The following ATP6V1C1 variants were observed in gnomAD, a reference collection of about 807,000 sequenced individuals.
The protein encoded by ATP6V1C1 is V-type proton ATPase subunit C 1.
ATP6V1C1 carries 45 observed loss-of-function variants against 53.9 expected under a neutral mutation model. The ratio of observed to expected loss-of-function variants is 0.83; its 90% CI spans 0.66 to 1.07. The LOEUF is 1.07. ATP6V1C1 is among the 50% of genes least tolerant of loss of function. The pLI is 0.00. For synonymous variants in ATP6V1C1, 153 were observed against 155.2 expected (o/e 0.99, Z 0.11); for missense variants, 315 against 440.3 (o/e 0.72, Z 2.55).
Position 103,068,776 on chromosome 8 carries a change from C to T in ATP6V1C1, c.*29C>T, listed in dbSNP as rs371003118. Reference sequence around the variant, plus strand: ...TGGGCTCCTCCCCCGACAATCCTGTCCTTGTGTTTGTGTGTGCTAACAGAA... The same window carrying T: ...TGGGCTCCTCCCCCGACAATCCTGTTCTTGTGTTTGTGTGTGCTAACAGAA... On this transcript the variant is annotated 3_prime_UTR_variant, in exon 13 of 13. Coordinates refer to ENST00000518738, the MANE Select transcript of ATP6V1C1 (RefSeq NM_001695.5). 852 of 1,572,032 alleles carry T rather than the reference C, an allele frequency of 5.4e-4. No individual in the cohort carries two copies. Among genetic ancestry groups the T allele is most frequent in the Non-Finnish European group, 7.0e-4 (804 of 1,147,710 alleles).
intron 8 of ATP6V1C1, 83 bp downstream of exon 8, chr8:103,056,019 G>T (rs1817284562): frequency 7.4e-7 from 1 of 1,360,256 alleles, no homozygotes; most frequent in Non-Finnish European, 1.0e-6. Context: ...TATGTTTGCT[G>T]TCTTGCCTTT....
At chr8:103,068,545 C>A in intron 12 of ATP6V1C1, 107 bp from the exon 13 acceptor site, 1 of 738,070 alleles carries the variant, frequency 1.4e-6, no homozygotes, top group Non-Finnish European at 2.1e-6. Flanking sequence ...TAAGTGCATA[C>A]ATTTAGCCCA....
At chr8:103,048,298 TG>T (rs1817140753) in intron 3 of ATP6V1C1, among the ~76,000 whole-genome samples, 1 of 152,246 alleles carries the variant, frequency 6.6e-6, no homozygotes, top group South Asian at 2.1e-4. Flanking sequence ...CAGTTACTTT[TG>T]CACCAACCTA....
In ATP6V1C1 at chr8:103,023,303, G is replaced by A. The variant is rs896935000; in HGVS notation, c.-40+2078G>A. 6.6e-5 allele frequency among the ~76,000 whole-genome samples: 10 copies of A among 150,418 alleles called. No individual in the cohort carries two copies. In the South Asian group the frequency reaches 8.4e-4, roughly 13 times the overall value. Reference sequence around the variant, plus strand: ...GGCTTTTTTTTTTTTTTTTTGGTGGGGGGGAGATAATGTGGAGGGTGGCAA... The same window carrying A: ...GGCTTTTTTTTTTTTTTTTTGGTGGAGGGGAGATAATGTGGAGGGTGGCAA... On this transcript the variant is annotated intron_variant, in intron 1 of 12. Coordinates refer to ENST00000518738, the MANE Select transcript of ATP6V1C1 (RefSeq NM_001695.5).
chr8:103,034,378 T>G (rs1248759938), intron 1 of ATP6V1C1, among the ~76,000 whole-genome samples: 1 of 152,140 alleles, frequency 6.6e-6, no homozygotes, highest in Non-Finnish European at 1.5e-5. Context: ...GAAGGTGGTG[T>G]CAGGTTCTTG....
chr8:103,043,620 C>T lies in ATP6V1C1; in HGVS notation c.200+1213C>T, dbSNP rs192293931. ...TGCTGGGATTACAGGCGTGAGCCAC[C>T]GCGCCCGGCTGATAATATCTCATTT... is the stretch of plus-strand genomic sequence containing the variant. On this transcript the variant is annotated intron_variant, in intron 3 of 12. Transcript: ENST00000518738. 1.4e-3 allele frequency among the ~76,000 whole-genome samples: 206 copies of T among 152,126 alleles called. 1 individual carries two copies. Among genetic ancestry groups the T allele is most frequent in the African/African-American group, 4.6e-3 (191 of 41,502 alleles).
In ATP6V1C1 at chr8:103,057,865, A is replaced by G. The variant is rs1817317902; in HGVS notation, c.641+1929A>G. ...TCATTTGGAGGAATATCTTTCCTTC[A>G]TACCAGCTCTTCACATGGTAAACTG... On this transcript the variant is annotated intron_variant, in intron 8 of 12. Transcript: ENST00000518738. Among the ~76,000 whole-genome samples the G allele has an allele frequency of 2.0e-5, 3 of 152,000 alleles. No homozygotes were observed. The South Asian group carries it at 6.2e-4, about 31-fold the overall frequency.
chr8:103,051,099 T>C lies in ATP6V1C1; in HGVS notation c.336T>C (p.Tyr112=), dbSNP rs751434983. 1 of 1,610,692 alleles carries C rather than the reference T, an allele frequency of 6.2e-7. No homozygotes were observed. Among genetic ancestry groups the C allele is most frequent in the Non-Finnish European group, 8.5e-7 (1 of 1,177,828 alleles). Residue 112 remains tyrosine (Y), a synonymous_variant, in exon 5 of 13, where the codon TAT becomes TAC. Coordinates refer to ENST00000518738, the MANE Select transcript of ATP6V1C1 (RefSeq NM_001695.5). Reference sequence around the variant, plus strand: ...GGTTCCAGTGGGACATGGCCAAATATCCAATCAAGCAGTCCCTGAAAAATA... The same window carrying C: ...GGTTCCAGTGGGACATGGCCAAATACCCAATCAAGCAGTCCCTGAAAAATA... ...ITRFQWDMAK[Y]PIKQSLKNIS...
intron 1 of ATP6V1C1, 196 bp downstream of exon 1, chr8:103,021,421 G>T (rs1390465708): frequency 1.3e-5 from 2 of 152,318 alleles, no homozygotes; most frequent in Non-Finnish European, 2.9e-5. Flanking sequence ...CTCTAAGGAA[G>T]AGAAGGAGGG....
chr8:103,023,263 A>C (rs1392605255), intron 1 of ATP6V1C1, among the ~76,000 whole-genome samples: 2 of 142,922 alleles, frequency 1.4e-5, no homozygotes, highest in Non-Finnish European at 3.1e-5. Flanking sequence ...CAGGCAGTGG[A>C]TTGAGACAGG....
rs1466453475 is a variant in ATP6V1C1 at position 103,033,662 on chromosome 8, A to C, written c.-39-7136A>C. ...TATAATACATTCATCCTTAGCATAT[A>C]ATATATGCTGTCATATGATATATAA... is the stretch of plus-strand genomic sequence containing the variant. On this transcript the variant is annotated intron_variant, in intron 1 of 12. Transcript: ENST00000518738. 2.6e-5 allele frequency among the ~76,000 whole-genome samples: 4 copies of C among 152,224 alleles called. No homozygotes were observed. The East Asian group carries it at 7.7e-4, about 29-fold the overall frequency.
At chr8:103,046,215 A>T (rs1211527256) in intron 3 of ATP6V1C1, among the ~76,000 whole-genome samples, 1 of 150,702 alleles carries the variant, frequency 6.6e-6, no homozygotes, top group Non-Finnish European at 1.5e-5. Context: ...AATTTTATTT[A>T]TTTTTTTTTC....
rs112908225 is a variant in ATP6V1C1 at position 103,054,846 on chromosome 8, A to G, written c.572+864A>G. ...TTTTTCAGAGTATCATTGTGTGAAG[A>G]CTTCCTTGCTGTGCTCTGCATTTTT... On this transcript the variant is annotated intron_variant, in intron 7 of 12. Transcript: ENST00000518738. 6.5e-3 allele frequency among the ~76,000 whole-genome samples: 983 copies of G among 152,060 alleles called. 11 individuals carry two copies. Among genetic ancestry groups the G allele is most frequent in the Middle Eastern group, 0.031 (9 of 294 alleles).
chr8:103,026,153 C>T (rs370176478), intron 1 of ATP6V1C1, among the ~76,000 whole-genome samples: 14 of 152,306 alleles, frequency 9.2e-5, no homozygotes, highest in East Asian at 1.9e-4. Flanking sequence ...AATGGGTGTA[C>T]GACAGGGCCC....
rs114604577 is a variant in ATP6V1C1 at position 103,062,911 on chromosome 8, G to A, written c.642-44G>A. ...AATTTTGCCCTTAATATGAAAGACA[G>A]CAATACGTATAAATCTTTAAATGGA... On this transcript the variant is annotated intron_variant, in intron 8 of 12. Transcript: ENST00000518738. The A allele has an allele frequency of 4.2e-4, 657 of 1,560,884 alleles. 3 individuals are homozygous for A. In the African/African-American group the frequency reaches 7.5e-3, roughly 18 times the overall value.
At chr8:103,026,095 G>A (rs1189589746) in intron 1 of ATP6V1C1, among the ~76,000 whole-genome samples, 1 of 152,240 alleles carries the variant, frequency 6.6e-6, no homozygotes, top group Non-Finnish European at 1.5e-5. Context: ...TGCCTGTGCA[G>A]AGGAGGAGTC....
rs1563613148 is a variant in ATP6V1C1 at position 103,072,403 on chromosome 8, G to A, written c.*3656G>A. 6.6e-6 allele frequency: 1 copy of A among 152,234 alleles called. No homozygotes were observed. Among genetic ancestry groups the A allele is most frequent in the East Asian group, 1.9e-4 (1 of 5,190 alleles). The allele number at this position is 152,234 out of a possible 1,614,324, so 9.4% of individuals were successfully genotyped here. ...AAAAACCACATATACAAATACTATA[G>A]AACAGCTTATAATGAAAACCTTGCC... On this transcript the variant is annotated 3_prime_UTR_variant, in exon 13 of 13. Coordinates refer to ENST00000518738, the MANE Select transcript of ATP6V1C1 (RefSeq NM_001695.5).
chr8:103,022,144 A>G (rs540347875), intron 1 of ATP6V1C1, among the ~76,000 whole-genome samples: 30 of 152,238 alleles, frequency 2.0e-4, no homozygotes, highest in African/African-American at 6.5e-4. Context: ...GAGCAACGAC[A>G]CATGTGTAAA....
rs544808034 is a variant in ATP6V1C1 at position 103,035,060 on chromosome 8, T to G, written c.-39-5738T>G. The stretch of plus-strand genomic sequence containing the variant: ...GCTCTTTACTTAGAGTTAGTTTGCT[T>G]TGACGAGGGGTAGAAGAACTGAGGC... On this transcript the variant is annotated intron_variant, in intron 1 of 12. Transcript: ENST00000518738. Among the ~76,000 whole-genome samples the G allele has an allele frequency of 1.7e-4, 26 of 152,330 alleles. No homozygotes were observed. In the South Asian group the frequency reaches 5.0e-3, roughly 29 times the overall value.
Sources: allele counts gnomAD v4.1 joint callset (sites outside exome capture counted in the v4.1 genomes callset), GRCh38; gene constraint gnomAD v4.1.1; transcripts MANE v1.5; gene names NCBI Gene and HGNC (gene_info 2026-07-23, HGNC 2026-07-21).